CBLN2: variants seen among roughly 807,000 people sequenced by gnomAD.
The protein encoded by CBLN2 is cerebellin-2.
In CBLN2, 7 loss-of-function variants were observed where a neutral mutation model predicts 15.0. That is an observed-to-expected ratio of 0.47 (90% CI 0.27 to 0.88). CBLN2 has a LOEUF of 0.88. Ranked by LOEUF, CBLN2 falls within the 40% of genes least tolerant of loss-of-function variation. CBLN2 has a pLI of 0.14. For missense variants in CBLN2, 242 were observed against 304.5 expected, an observed-to-expected ratio of 0.79 and a Z score of 1.53; for synonymous variants, 149 against 135.2, an observed-to-expected ratio of 1.10 and a Z score of -0.71.
At chr18:72,635,348 A>G (rs2069805014) in intron 1 of CBLN2, among the ~76,000 whole-genome samples, 1 of 152,180 alleles carries the variant, frequency 6.6e-6, no homozygotes, top group Admixed American at 6.5e-5. Context: ...CAAAACACAC[A>G]AAAATTTGTT....
intron 1 of CBLN2, among the ~76,000 whole-genome samples, chr18:72,559,417 G>A (rs1393246572): frequency 2.6e-5 from 4 of 152,236 alleles, no homozygotes; most frequent in Admixed American, 2.0e-4. Context: ...GCCTGTGCCA[G>A]GCTCAGAGCA....
intron 1 of CBLN2, among the ~76,000 whole-genome samples, chr18:72,616,682 T>G (rs1026376840): frequency 6.6e-6 from 1 of 152,190 alleles, no homozygotes; most frequent in African/African-American, 2.4e-5. Flanking sequence ...TTCTCTGTGG[T>G]GTAAAAAATG....
chr18:72,620,936 A>T (rs938228953), intron 1 of CBLN2, among the ~76,000 whole-genome samples: 91 of 152,256 alleles, frequency 6.0e-4, no homozygotes, highest in African/African-American at 2.2e-3. Flanking sequence ...TCTATTTGAT[A>T]CTTTATGACT....
chr18:72,625,964 T>C (rs1438705338), intron 1 of CBLN2, among the ~76,000 whole-genome samples: 2 of 151,432 alleles, frequency 1.3e-5, no homozygotes, highest in Admixed American at 6.6e-5. Flanking sequence ...GCACAATTTG[T>C]TTTCATATTT....
intron 1 of CBLN2, among the ~76,000 whole-genome samples, chr18:72,551,464 T>G (rs1568252952): frequency 1.3e-5 from 2 of 152,188 alleles, no homozygotes; most frequent in Non-Finnish European, 2.9e-5. Flanking sequence ...GAGATCTAAA[T>G]CTTGCTTGAA....
At chr18:72,595,191 T>A (rs1382707808) in intron 1 of CBLN2, among the ~76,000 whole-genome samples, 1 of 152,028 alleles carries the variant, frequency 6.6e-6, no homozygotes, top group Non-Finnish European at 1.5e-5. Context: ...TTCTTAGGAG[T>A]GCTTTCTCTG....
chr18:72,635,368 T>G (rs2069805177), intron 1 of CBLN2, among the ~76,000 whole-genome samples: 1 of 152,194 alleles, frequency 6.6e-6, no homozygotes, highest in Non-Finnish European at 1.5e-5. Flanking sequence ...TTTTATTTTC[T>G]TATATTCTAC....
intron 1 of CBLN2, among the ~76,000 whole-genome samples, chr18:72,596,298 T>G (rs537437761): frequency 6.6e-6 from 1 of 152,182 alleles, no homozygotes; most frequent in Admixed American, 6.5e-5. Context: ...ACTCTGTTTT[T>G]TATTAATAAA....
At chr18:72,550,230 A>T (rs542726655) in intron 1 of CBLN2, among the ~76,000 whole-genome samples, 1 of 152,278 alleles carries the variant, frequency 6.6e-6, no homozygotes, top group African/African-American at 2.4e-5. Flanking sequence ...CTGCTATCTC[A>T]TTGTAATCTA....
At chr18:72,627,746 A>T (rs947740792) in intron 1 of CBLN2, among the ~76,000 whole-genome samples, 2 of 152,244 alleles carry the variant, frequency 1.3e-5, no homozygotes, top group Non-Finnish European at 2.9e-5. Context: ...TAGCTCACAT[A>T]AGATCAGAGC....
chr18:72,591,182 T>C (rs2069477583), intron 1 of CBLN2, among the ~76,000 whole-genome samples: 1 of 152,198 alleles, frequency 6.6e-6, no homozygotes, highest in Admixed American at 6.5e-5. Context: ...ACCCAGCTAG[T>C]CATAAGTTTT....
chr18:72,613,473 C>T (rs1478771761), intron 1 of CBLN2, among the ~76,000 whole-genome samples: 1 of 142,986 alleles, frequency 7.0e-6, no homozygotes, highest in Non-Finnish European at 1.6e-5. Flanking sequence ...TAATAGGTAT[C>T]TTTTTTTCTT....
chr18:72,565,687 C>T (rs1232825994), intron 1 of CBLN2, among the ~76,000 whole-genome samples: 1 of 152,098 alleles, frequency 6.6e-6, no homozygotes, highest in Non-Finnish European at 1.5e-5. Flanking sequence ...TACAGTAAAT[C>T]ACCAGAACAC....
chr18:72,542,680 C>T (rs1051743531), intron 2 of CBLN2, among the ~76,000 whole-genome samples: 88 of 152,258 alleles, frequency 5.8e-4, no homozygotes, highest in Non-Finnish European at 7.1e-4. Flanking sequence ...CAAAGAAAAA[C>T]CTACGAATGC....
chr18:72,618,852 A>G (rs1436698752), intron 1 of CBLN2: 9 of 732,358 alleles, frequency 1.2e-5, no homozygotes, highest in Admixed American at 5.2e-5. Flanking sequence ...AAAGAGATTG[A>G]AGTGGTTCTG....
At chr18:72,546,074 A>G (rs1217235816), upstream of CBLN2, among the ~76,000 whole-genome samples, 1 of 152,234 alleles carries the variant, frequency 6.6e-6, no homozygotes, top group African/African-American at 2.4e-5. Flanking sequence ...AGAAGAAACC[A>G]TAAAAGATAG....
chr18:72,560,734 T>G (rs1044355273), intron 1 of CBLN2, among the ~76,000 whole-genome samples: 9 of 152,200 alleles, frequency 5.9e-5, no homozygotes, highest in African/African-American at 2.2e-4. Context: ...ATAGGCCGGG[T>G]GTGGTGGCTC....
At position 72,586,419 on chromosome 18, in the gene CBLN2, T is replaced by C. The variant is rs892907759; in HGVS notation, c.16-47647A>G. On this transcript the variant is annotated intron_variant, in intron 1 of 2. Coordinates refer to the CBLN2 transcript ENST00000581073. The stretch of plus-strand genomic sequence containing the variant: ...AAATTTCTTTACCAACACTGTTATG[T>C]CCAAAACTTCTTAAATGGAACCAAG... Among the ~76,000 whole-genome samples, 4 of 152,332 alleles carry C rather than the reference T, an allele frequency of 2.6e-5. No individual in the cohort carries two copies. The East Asian group carries it at 5.8e-4, about 22-fold the overall frequency.
intron 1 of CBLN2, among the ~76,000 whole-genome samples, chr18:72,580,741 A>G (rs1006746713): frequency 6.6e-6 from 1 of 152,242 alleles, no homozygotes; most frequent in African/African-American, 2.4e-5. Context: ...GCTTCTGCTG[A>G]TCAACATTTA....
Sources: gnomAD v4.1 joint callset for allele counts (sites outside exome capture counted in the v4.1 genomes callset) on GRCh38, gnomAD v4.1.1 for gene constraint, MANE v1.5 for transcripts, NCBI Gene and HGNC (gene_info 2026-07-23, HGNC 2026-07-21) for gene names.